The following PREX2 variants were observed in gnomAD, a reference collection of about 807,000 sequenced individuals.
PREX2 encodes the protein phosphatidylinositol 3,4,5-trisphosphate-dependent Rac exchanger 2 protein.
In PREX2, 107 loss-of-function variants were observed where a neutral mutation model predicts 203.2. That is an observed-to-expected ratio of 0.53 (90% CI 0.45 to 0.62). PREX2 has a LOEUF of 0.62. Among genes scored for constraint, PREX2 ranks in the 20% least tolerant of loss-of-function variants. The pLI is 0.00. For missense variants in PREX2, 1,777 were observed against 1,955.9 expected (o/e 0.91, Z 1.72); for synonymous variants, 672 against 663.6 (o/e 1.01, Z -0.19).
chr8:68,139,496 C>T (rs1351662403), intron 33 of PREX2, among the ~76,000 whole-genome samples: 1 of 152,152 alleles, frequency 6.6e-6, no homozygotes, highest in Non-Finnish European at 1.5e-5. Flanking sequence ...GTTGAAAGAG[C>T]TTTGCTTCCT....
intron 23 of PREX2, chr8:68,102,889 G>A (rs534438069): frequency 1.9e-6 from 1 of 518,270 alleles, no homozygotes; most frequent in East Asian, 5.5e-5. Flanking sequence ...TGAATCTTAA[G>A]CGAGATGTTT....
intron 1 of PREX2, among the ~76,000 whole-genome samples, chr8:68,017,173 T>C (rs536975399): frequency 6.6e-6 from 1 of 152,288 alleles, no homozygotes; most frequent in East Asian, 1.9e-4. Context: ...CAAAACTTAA[T>C]GACCACTGAG....
intron 35 of PREX2, among the ~76,000 whole-genome samples, chr8:68,178,103 T>C (rs543263012): frequency 6.6e-6 from 1 of 152,316 alleles, no homozygotes; most frequent in East Asian, 1.9e-4. Flanking sequence ...TGAACATATA[T>C]GTGCATGCAT....
intron 19 of PREX2, among the ~76,000 whole-genome samples, chr8:68,089,162 C>T (rs971897919): frequency 1.3e-5 from 2 of 151,500 alleles, no homozygotes; most frequent in African/African-American, 4.9e-5. Flanking sequence ...AGCTACTGCA[C>T]TTCAGCCTTG....
chr8:68,047,480 T>TATATATATATATATAC (rs1554570837), intron 8 of PREX2, among the ~76,000 whole-genome samples: 6 of 62,740 alleles, frequency 9.6e-5, no homozygotes, highest in African/African-American at 5.5e-4. Flanking sequence ...TATATATATA[T>TATATATATATATATAC]ATATATATAT....
intron 11 of PREX2, among the ~76,000 whole-genome samples, chr8:68,061,745 G>GT (rs1808862490): frequency 6.6e-6 from 1 of 152,190 alleles, no homozygotes; most frequent in Admixed American, 6.5e-5. Flanking sequence ...AGGCCAGCCA[G>GT]TGGGGAGTGG....
At chr8:68,095,047 G>A (rs1241350506) in intron 21 of PREX2, 1 of 152,248 alleles carries the variant, frequency 6.6e-6, no homozygotes, top group Admixed American at 6.5e-5. Context: ...GATAAATAGG[G>A]CGATGTCTGG....
intron 23 of PREX2, 104 bp downstream of exon 23, chr8:68,099,947 C>T: frequency 9.8e-7 from 1 of 1,019,982 alleles, no homozygotes. Flanking sequence ...TGTTAGGTAC[C>T]ATTTTACTGA....
intron 16 of PREX2, 26 bp from the exon 17 acceptor site, chr8:68,080,720 A>G (rs1371488563): frequency 2.7e-6 from 4 of 1,493,636 alleles, no homozygotes. Context: ...TTGCTTTATC[A>G]ATAATGTTAA....
intron 1 of PREX2, among the ~76,000 whole-genome samples, chr8:67,969,020 T>C (rs4737867): frequency 0.22 from 33,544 of 152,068 alleles, 4,788 homozygotes; most frequent in East Asian, 0.54. Context: ...GGCTTTGAGA[T>C]TTTCTGCCGC....
At chr8:68,196,731 C>G (rs111716893) in intron 37 of PREX2, among the ~76,000 whole-genome samples, 45 of 151,250 alleles carry the variant, frequency 3.0e-4, no homozygotes, top group African/African-American at 5.1e-4. Context: ...ACCTCCCCCC[C>G]CCAACTCTCT....
At chr8:68,127,133 T>C (rs887054496) in intron 30 of PREX2, among the ~76,000 whole-genome samples, 4 of 152,020 alleles carry the variant, frequency 2.6e-5, no homozygotes, top group Admixed American at 1.3e-4. Flanking sequence ...GAACAATGGA[T>C]AGAATTTGTG....
At chr8:68,187,871 G>A (rs915183917) in intron 35 of PREX2, among the ~76,000 whole-genome samples, 2 of 152,180 alleles carry the variant, frequency 1.3e-5, no homozygotes, top group African/African-American at 4.8e-5. Context: ...GCTACACTGA[G>A]GCCTCTGGCC....
At chr8:68,053,070 C>T (rs1214859109) in intron 8 of PREX2, 27 bp from the exon 9 acceptor site, 2 of 1,598,586 alleles carry the variant, frequency 1.3e-6, no homozygotes, top group South Asian at 1.1e-5. Context: ...ACATTTTGTT[C>T]ATTTGCCTTT....
intron 35 of PREX2, among the ~76,000 whole-genome samples, chr8:68,165,489 A>G (rs1811743766): frequency 1.3e-5 from 2 of 152,046 alleles, no homozygotes; most frequent in South Asian, 4.1e-4. Context: ...AGCAAAGAAT[A>G]GTTTGAGAAC....
At chr8:68,218,137 C>CA (rs1415301485) in intron 38 of PREX2, among the ~76,000 whole-genome samples, 1 of 152,078 alleles carries the variant, frequency 6.6e-6, no homozygotes, top group African/African-American at 2.4e-5. Context: ...TGGTGACTGC[C>CA]AAGGGACATT....
At chr8:67,988,625 C>T (rs1328394741) in intron 1 of PREX2, among the ~76,000 whole-genome samples, 1 of 152,228 alleles carries the variant, frequency 6.6e-6, no homozygotes, top group African/African-American at 2.4e-5. Context: ...TTCTCTGTTT[C>T]CCAAGGCTGG....
At chr8:68,055,760 A>C in intron 9 of PREX2, 70 bp from the exon 10 acceptor site, 1 of 1,422,254 alleles carries the variant, frequency 7.0e-7, no homozygotes, top group South Asian at 1.2e-5. Context: ...TGCTTGCTTA[A>C]TGAAGCCATA....
Position 68,076,685 on chromosome 8 carries a change from T to TCACACACACACACACA in PREX2, c.1570-687_1570-672dup, listed in dbSNP as rs57701553. On this transcript the variant is annotated intron_variant, in intron 14 of 39. Coordinates refer to ENST00000288368, the MANE Select transcript of PREX2 (RefSeq NM_024870.4). ...GAACTGTAACAATACAACTCTAAGG[T>TCACACACACACACACA]CACACACACACACACACACACACAC... Among the ~76,000 whole-genome samples the TCACACACACACACACA allele has an allele frequency of 4.5e-3, 643 of 143,770 alleles. 5 individuals carry two copies. The highest frequency in any genetic ancestry group is 6.7e-3 in the East Asian group (31 of 4,594). The allele number at this position is 143,770 out of a possible 152,430, so 94.3% of individuals were successfully genotyped here. A position where few individuals can be genotyped will look rare whatever the true frequency, so the allele number is the denominator to read the frequency against.
Sources: gnomAD v4.1 joint callset for allele counts (sites outside exome capture counted in the v4.1 genomes callset) on GRCh38, gnomAD v4.1.1 for gene constraint, MANE v1.5 for transcripts, NCBI Gene and HGNC (gene_info 2026-07-23, HGNC 2026-07-21) for gene names.